The following TMEM178A variants were observed in gnomAD, a reference collection of about 807,000 sequenced individuals.
TMEM178A encodes transmembrane protein 178A.
In TMEM178A, 12 loss-of-function variants were observed where a neutral mutation model predicts 29.1. That is an observed-to-expected ratio of 0.41 (90% CI 0.26 to 0.67). The LOEUF (loss-of-function observed/expected upper bound fraction) is 0.67, where lower values mean the gene tolerates loss of function less well. TMEM178A is among the 30% of genes least tolerant of loss of function. The pLI, the probability that TMEM178A is intolerant of heterozygous loss-of-function variation, is 0.29. For missense variants in TMEM178A, 366 were observed against 419.1 expected (o/e 0.87, Z 1.11); for synonymous variants, 210 against 187.2 (o/e 1.12, Z -0.99).
downstream of TMEM178A, chr2:39,718,038 T>C (rs1672620957): frequency 1.3e-5 from 2 of 152,660 alleles, no homozygotes; most frequent in African/African-American, 4.8e-5. Flanking sequence ...GAAAACTCTG[T>C]TGTTTTAATA....
chr2:39,717,279 C>A lies in TMEM178A; in HGVS notation c.*28C>A. ...GTCCTCACTGGGCCTGTCCACAGTGCGAGCGACTCCTGAGGGGAACAGCGC... is the reference window on the plus strand; with the variant it reads ...GTCCTCACTGGGCCTGTCCACAGTGAGAGCGACTCCTGAGGGGAACAGCGC... On this transcript the variant is annotated 3_prime_UTR_variant, in exon 4 of 4. Transcript: ENST00000281961. The A allele has an allele frequency of 6.2e-7, 1 of 1,606,574 alleles. No individual in the cohort carries two copies.
the TMEM178A span, among the ~76,000 whole-genome samples, chr2:39,730,973 T>C: frequency 6.6e-6 from 1 of 152,218 alleles, no homozygotes; most frequent in South Asian, 2.1e-4. Context: ...ATCTTCCTGC[T>C]GGCACAATAA....
At chr2:39,678,833 G>C (rs1199257544) in intron 1 of TMEM178A, among the ~76,000 whole-genome samples, 8 of 152,074 alleles carry the variant, frequency 5.3e-5, no homozygotes, top group Non-Finnish European at 1.2e-4. Flanking sequence ...TGAAATCTAG[G>C]ATCAAGTCAC....
chr2:39,734,824 A>G, the TMEM178A span, among the ~76,000 whole-genome samples: 20 of 152,210 alleles, frequency 1.3e-4, no homozygotes, highest in African/African-American at 4.8e-4. Flanking sequence ...AAAAGTCTTC[A>G]GTCATTCCTG....
intron 1 of TMEM178A, among the ~76,000 whole-genome samples, chr2:39,677,641 T>C (rs909534099): frequency 6.6e-6 from 1 of 151,842 alleles, no homozygotes. Flanking sequence ...GCAGTATATG[T>C]TTCTGTGTTT....
At chr2:39,686,722 G>A (rs1671091580) in intron 1 of TMEM178A, among the ~76,000 whole-genome samples, 1 of 151,646 alleles carries the variant, frequency 6.6e-6, no homozygotes, top group South Asian at 2.1e-4. Flanking sequence ...GAGTGAGTGG[G>A]GGCTGGGTGC....
chr2:39,706,886 G>T (rs939023907), intron 2 of TMEM178A, among the ~76,000 whole-genome samples, 163 bp from the exon 3 acceptor site: 1 of 152,184 alleles, frequency 6.6e-6, no homozygotes, highest in Non-Finnish European at 1.5e-5. Flanking sequence ...TCCTCTTATG[G>T]AATACCTGGG....
intron 1 of TMEM178A, among the ~76,000 whole-genome samples, chr2:39,681,318 T>A (rs143242714): frequency 7.2e-5 from 11 of 152,324 alleles, no homozygotes; most frequent in Non-Finnish European, 1.5e-4. Flanking sequence ...GTCAGGCTGA[T>A]TCTCATTGAA....
At chr2:39,728,432 C>T in the TMEM178A span, among the ~76,000 whole-genome samples, 2 of 152,158 alleles carry the variant, frequency 1.3e-5, no homozygotes, top group Non-Finnish European at 2.9e-5. Flanking sequence ...TTCTCTCCTA[C>T]CAGGAGCTAG....
the TMEM178A span, among the ~76,000 whole-genome samples, chr2:39,732,117 C>T: frequency 6.6e-6 from 1 of 152,136 alleles, no homozygotes; most frequent in Non-Finnish European, 1.5e-5. Context: ...GGCCATCTCT[C>T]CTTCCAGGAA....
rs1185126463 is a variant in TMEM178A at position 39,666,087 on chromosome 2, G to A, written c.113G>A (p.Arg38His). 1 of 1,568,240 alleles carries A rather than the reference G, an allele frequency of 6.4e-7. No homozygotes were observed. The highest frequency in any genetic ancestry group is 8.6e-7 in the Non-Finnish European group (1 of 1,161,060). ...CACTGGTACGAGACCGACCCCCGGC[G>A]CCACAAGGAGAGCTGCGAGCGCAGC... ...TDHWYETDPR[R>H]HKESCERSRA... The change falls in exon 1 of 4, where the codon CGC becomes CAC. Residue 38 changes from arginine to histidine, a missense_variant. Around this residue, in one of 2 missense-constraint regions of TMEM178A, gnomAD observed 247 missense variants for 246.8 expected, o/e 1.00. Coordinates refer to ENST00000281961, the MANE Select transcript of TMEM178A (RefSeq NM_152390.3).
At chr2:39,690,711 A>G (rs909489442) in intron 1 of TMEM178A, among the ~76,000 whole-genome samples, 3 of 152,244 alleles carry the variant, frequency 2.0e-5, no homozygotes, top group African/African-American at 7.2e-5. Context: ...CACTACTAAA[A>G]GAAAAAAATA....
intron 1 of TMEM178A, among the ~76,000 whole-genome samples, chr2:39,702,400 C>T (rs1009706726): frequency 3.9e-5 from 6 of 152,084 alleles, no homozygotes; most frequent in African/African-American, 1.4e-4. Context: ...GTTGGGTATG[C>T]CTTCAACTCT....
At chr2:39,718,048 A>C (rs947282833), downstream of TMEM178A, 1 of 152,604 alleles carries the variant, frequency 6.6e-6, no homozygotes, top group African/African-American at 2.4e-5. Flanking sequence ...TTGTTTTAAT[A>C]AGACTCTTAT....
the TMEM178A span, among the ~76,000 whole-genome samples, chr2:39,735,646 A>C: frequency 2.0e-5 from 3 of 152,228 alleles, no homozygotes; most frequent in Non-Finnish European, 2.9e-5. Context: ...CCATTATCAG[A>C]GTCCCAGCTG....
At chr2:39,695,173 G>C (rs2148085397) in intron 1 of TMEM178A, among the ~76,000 whole-genome samples, 1 of 152,294 alleles carries the variant, frequency 6.6e-6, no homozygotes, top group East Asian at 1.9e-4. Context: ...ACTGAGACGT[G>C]TGCTGGGGAA....
Position 39,690,159 on chromosome 2 carries a change from G to A in TMEM178A, c.401-13922G>A, listed in dbSNP as rs548768279. 5.1e-4 allele frequency among the ~76,000 whole-genome samples: 77 copies of A among 152,322 alleles called. 1 individual carries two copies. Among genetic ancestry groups the A allele is most frequent in the African/African-American group, 1.8e-3 (73 of 41,588 alleles). ...GGCAGGAGCTCACAAAAACCATTGC[G>A]TAGATCTCAAAATCTGGCCACAGAT... is the stretch of plus-strand genomic sequence containing the variant. On this transcript the variant is annotated intron_variant, in intron 1 of 3. Coordinates refer to ENST00000281961, the MANE Select transcript of TMEM178A (RefSeq NM_152390.3).
In TMEM178A at chr2:39,699,398, T is replaced by A. The variant is rs143003673; in HGVS notation, c.401-4683T>A. Among the ~76,000 whole-genome samples the A allele has an allele frequency of 1.9e-3, 285 of 152,276 alleles. 2 individuals carry two copies. Among genetic ancestry groups the A allele is most frequent in the African/African-American group, 6.7e-3 (278 of 41,538 alleles). ...AGCTTTGTAATCTCTTTCCTTAGTG[T>A]GCTCTTCTTTTTCTAGTTTTTTAGG... On this transcript the variant is annotated intron_variant, in intron 1 of 3. Transcript: ENST00000281961.
At chr2:39,672,106 A>G (rs1222444655) in intron 1 of TMEM178A, among the ~76,000 whole-genome samples, 3 of 152,224 alleles carry the variant, frequency 2.0e-5, no homozygotes, top group Non-Finnish European at 4.4e-5. Flanking sequence ...CAAGTGTGAT[A>G]TTCAATGTTT....
Sources: gnomAD v4.1 joint callset for allele counts (sites outside exome capture counted in the v4.1 genomes callset) on GRCh38, gnomAD v4.1.1 for gene constraint, gnomAD v4.1.1 regional missense constraint, MANE v1.5 for transcripts, NCBI Gene and HGNC (gene_info 2026-07-23, HGNC 2026-07-21) for gene names.